ATXN7L1: variants seen among roughly 807,000 people sequenced by gnomAD.
ATXN7L1 encodes the protein ataxin 7 like 1, also known as ataxin-7-like protein 1.
In ATXN7L1, 15 loss-of-function variants were observed where a neutral mutation model predicts 70.8. The ratio of observed to expected loss-of-function variants is 0.21; its 90% CI spans 0.14 to 0.33. ATXN7L1 has a LOEUF of 0.33. ATXN7L1 is among the 10% of genes least tolerant of loss of function. The probability of loss-of-function intolerance (pLI) is 1.00; values close to 1 mark genes in which losing one functional copy is unlikely to be tolerated. For missense variants in ATXN7L1, 975 were observed against 1,097.1 expected (o/e 0.89, Z 1.57); for synonymous variants, 440 against 445.1 (o/e 0.99, Z 0.14).
intron 2 of ATXN7L1, among the ~76,000 whole-genome samples, chr7:105,850,959 G>A (rs947492340): frequency 1.3e-5 from 2 of 152,030 alleles, no homozygotes; most frequent in East Asian, 1.9e-4. Context: ...CTGCTGCCCC[G>A]CTTCCTTATA....
intron 9 of ATXN7L1, among the ~76,000 whole-genome samples, chr7:105,619,140 G>GGTTTTTTTTTT (rs1794376106): frequency 2.0e-5 from 1 of 49,846 alleles, no homozygotes; most frequent in Non-Finnish European, 3.3e-5. Context: ...GAAATCTTTA[G>GGTTTTTTTTTT]TTTTTTTTTT....
chr7:105,608,300 C>T (rs1272865713), intron 11 of ATXN7L1, among the ~76,000 whole-genome samples: 2 of 152,190 alleles, frequency 1.3e-5, no homozygotes, highest in Admixed American at 1.3e-4. Context: ...AACACAGAGG[C>T]TCTGGAGAGA....
chr7:105,643,991 G>A (rs912643606), intron 4 of ATXN7L1, among the ~76,000 whole-genome samples: 4 of 152,210 alleles, frequency 2.6e-5, no homozygotes, highest in Admixed American at 6.5e-5. Context: ...AATAAGCTTT[G>A]CTTTGGTCCC....
rs552917079 is a variant in ATXN7L1, at chr7:105,690,236, C to T, written c.356-24948G>A. Among the ~76,000 whole-genome samples the T allele has an allele frequency of 1.1e-4, 16 of 152,070 alleles. No individual in the cohort carries two copies. The South Asian group carries it at 3.3e-3, about 32-fold the overall frequency. On this transcript the variant is annotated intron_variant, in intron 3 of 11. Transcript: ENST00000419735. Reference sequence around the variant, plus strand: ...GTCAGGCTGGTCTCGAACTCCCGACCTCAGGTGATCCGCCCGCCTCAGCCT... The same window carrying T: ...GTCAGGCTGGTCTCGAACTCCCGACTTCAGGTGATCCGCCCGCCTCAGCCT...
At chr7:105,776,841 C>T (rs1802806632) in intron 3 of ATXN7L1, among the ~76,000 whole-genome samples, 1 of 152,140 alleles carries the variant, frequency 6.6e-6, no homozygotes, top group South Asian at 2.1e-4. Flanking sequence ...ACAATCTTGG[C>T]TCACTGTAAT....
rs977829855 is a variant in ATXN7L1 at position 105,607,402 on chromosome 7, C to T, written c.*450G>A. 6.4e-5 allele frequency: 11 copies of T among 172,984 alleles called. No individual in the cohort carries two copies. Among genetic ancestry groups the T allele is most frequent in the East Asian group, 3.1e-4 (2 of 6,528 alleles). The allele number at this position is 172,984 out of a possible 1,614,324, so 10.7% of individuals were successfully genotyped here. On this transcript the variant is annotated 3_prime_UTR_variant, in exon 12 of 12. Transcript: ENST00000419735. ...CAGTGAGGACCCAGAGAGTGGTAGA[C>T]GTAGGGATGGAAGGAATCGGGTGGA... is the stretch of plus-strand genomic sequence containing the variant.
At chr7:105,843,514 A>C (rs956248561) in intron 2 of ATXN7L1, among the ~76,000 whole-genome samples, 2 of 152,238 alleles carry the variant, frequency 1.3e-5, no homozygotes, top group African/African-American at 4.8e-5. Flanking sequence ...CCTGTGGTAC[A>C]GGGGCAGCAA....
chr7:105,864,255 A>C (rs1028532171), intron 2 of ATXN7L1, among the ~76,000 whole-genome samples: 3 of 151,870 alleles, frequency 2.0e-5, no homozygotes, highest in African/African-American at 7.3e-5. Flanking sequence ...CAGGAGTTTG[A>C]GACCAGCCTG....
intron 2 of ATXN7L1, among the ~76,000 whole-genome samples, chr7:105,806,151 C>A (rs1361800009): frequency 6.6e-6 from 1 of 152,084 alleles, no homozygotes; most frequent in Non-Finnish European, 1.5e-5. Flanking sequence ...ATGCAGGTTA[C>A]ATGGTGCTAG....
chr7:105,860,722 T>C (rs1480618200), intron 2 of ATXN7L1, among the ~76,000 whole-genome samples: 1 of 152,202 alleles, frequency 6.6e-6, no homozygotes, highest in African/African-American at 2.4e-5. Flanking sequence ...TAAGATGGTA[T>C]AGTATTTTAC....
chr7:105,716,829 A>G (rs1224860449), intron 3 of ATXN7L1, among the ~76,000 whole-genome samples: 1 of 152,058 alleles, frequency 6.6e-6, no homozygotes, highest in Admixed American at 6.6e-5. Context: ...GCAGTGAGCC[A>G]TGATAGCACC....
chr7:105,662,068 TTCCTTCCTTCCTTC>T lies in ATXN7L1; in HGVS notation c.578+2984_578+2997del, dbSNP rs1562967592. ...CTTCCTTCCTTCCTTCCTTCCTTCC[TTCCTTCCTTCCTTC>T]TTTCTTTTCTTTTCTTTTCTTTTCT... On this transcript the variant is annotated intron_variant, in intron 4 of 11. Coordinates refer to ENST00000419735, the MANE Select transcript of ATXN7L1 (RefSeq NM_020725.2). Among the ~76,000 whole-genome samples, 238 of 92,300 alleles carry T rather than the reference TTCCTTCCTTCCTTC, an allele frequency of 2.6e-3. 7 individuals are homozygous for T. The East Asian group carries it at 0.092, about 36-fold the overall frequency. The allele number at this position is 92,300 out of a possible 152,430, so 60.6% of individuals were successfully genotyped here.
intron 3 of ATXN7L1, among the ~76,000 whole-genome samples, chr7:105,769,369 C>T (rs1380612279): frequency 3.9e-5 from 6 of 152,018 alleles, no homozygotes; most frequent in Non-Finnish European, 5.9e-5. Flanking sequence ...CAAAAACAGG[C>T]GACGGCACAC....
chr7:105,700,378 G>C (rs1792283913), intron 3 of ATXN7L1, among the ~76,000 whole-genome samples: 1 of 151,968 alleles, frequency 6.6e-6, no homozygotes, highest in South Asian at 2.1e-4. Context: ...GTGGTGGCAT[G>C]CTCCTGTTGT....
At chr7:105,770,699 C>T (rs573628964) in intron 3 of ATXN7L1, among the ~76,000 whole-genome samples, 1 of 152,282 alleles carries the variant, frequency 6.6e-6, no homozygotes, top group East Asian at 1.9e-4. Flanking sequence ...CCCTGCCAGA[C>T]CTTAAGGAGA....
intron 3 of ATXN7L1, among the ~76,000 whole-genome samples, chr7:105,673,896 A>G (rs761344043): frequency 6.6e-6 from 1 of 152,218 alleles, no homozygotes; most frequent in Non-Finnish European, 1.5e-5. Flanking sequence ...GCCATGGTGT[A>G]AGGGGGGATA....
In ATXN7L1 at chr7:105,613,878, C is replaced by T; in HGVS notation, c.2456G>A (p.Ser819Asn). The T allele has an allele frequency of 6.4e-7, 1 of 1,551,954 alleles. No homozygotes were observed. Among genetic ancestry groups the T allele is most frequent in the East Asian group, 2.4e-5 (1 of 40,914 alleles). ...GTCCCTTACCTGCCGAGAGGAGGTG[C>T]TGTTAACGGGATCGGGCACCGGTGC... ...LLAPVPDPVN[S>N]TSSRQVGKNS... The change falls in exon 10 of 12, where the codon AGC becomes AAC. Residue 819 changes from serine (S) to asparagine (N), a missense_variant. Around this residue, in one of 5 missense-constraint regions of ATXN7L1, gnomAD observed 635 missense variants for 699.4 expected, o/e 0.91. Transcript: ENST00000419735.
intron 3 of ATXN7L1, among the ~76,000 whole-genome samples, chr7:105,743,492 C>CTTT: frequency 6.6e-6 from 1 of 152,326 alleles, no homozygotes; most frequent in Admixed American, 6.5e-5. Flanking sequence ...TTACAGGACT[C>CTTT]TAACAATCAC....
intron 3 of ATXN7L1, among the ~76,000 whole-genome samples, chr7:105,677,400 C>T (rs776088749): frequency 3.3e-5 from 5 of 152,208 alleles, no homozygotes; most frequent in African/African-American, 7.2e-5. Flanking sequence ...GACAGGTGCT[C>T]GAGTACACTG....
Sources: allele counts gnomAD v4.1 joint callset (sites outside exome capture counted in the v4.1 genomes callset), GRCh38; gene constraint gnomAD v4.1.1; regional missense constraint gnomAD v4.1.1; transcripts MANE v1.5; gene names NCBI Gene and HGNC (gene_info 2026-07-23, HGNC 2026-07-21).